The following NEGR1 variants were observed in gnomAD, a reference collection of about 807,000 sequenced individuals.
NEGR1 encodes the protein IgLON family member 4.
In NEGR1, 10 loss-of-function variants were observed where a neutral mutation model predicts 40.9. That is an observed-to-expected ratio of 0.24 (90% CI 0.15 to 0.42). The LOEUF (loss-of-function observed/expected upper bound fraction) is 0.42, where lower values mean the gene tolerates loss of function less well. NEGR1 is among the 10% of genes least tolerant of loss of function. The probability of loss-of-function intolerance (pLI) is 1.00; values close to 1 mark genes in which losing one functional copy is unlikely to be tolerated. For synonymous variants in NEGR1, 185 were observed against 166.8 expected (o/e 1.11, Z -0.84); for missense variants, 352 against 438.9 (o/e 0.80, Z 1.77).
intron 6 of NEGR1, among the ~76,000 whole-genome samples, chr1:71,550,939 A>G (rs1277883685): frequency 6.6e-6 from 1 of 151,636 alleles, no homozygotes; most frequent in Non-Finnish European, 1.5e-5. Context: ...TCTCTTAAGA[A>G]TAACTTAGAA....
chr1:71,464,489 C>T (rs536522369), intron 6 of NEGR1, among the ~76,000 whole-genome samples: 7 of 152,012 alleles, frequency 4.6e-5, no homozygotes, highest in East Asian at 1.9e-4. Context: ...ACATGAATAC[C>T]GTTCCATTTT....
At chr1:71,419,594 G>T (rs906717625) in intron 6 of NEGR1, among the ~76,000 whole-genome samples, 4 of 151,990 alleles carry the variant, frequency 2.6e-5, no homozygotes, top group Non-Finnish European at 4.4e-5. Flanking sequence ...ATTACCCACT[G>T]TTTTACACTA....
intron 4 of NEGR1, among the ~76,000 whole-genome samples, chr1:71,697,440 T>A (rs1653514423): frequency 2.0e-5 from 3 of 151,808 alleles, no homozygotes; most frequent in African/African-American, 7.2e-5. Context: ...TGAGGAAAAG[T>A]GTGTAACATA....
Position 72,013,970 on chromosome 1 carries a change from A to T in NEGR1, c.177-78659T>A, listed in dbSNP as rs1825656. On this transcript the variant is annotated intron_variant, in intron 1 of 6. Transcript: ENST00000357731. The stretch of plus-strand genomic sequence containing the variant: ...GAGATGCTCTGTGAAAAATAAAAAA[A>T]AAAAAAAAAAAAAAAAAAGGAGGTT... Among the ~76,000 whole-genome samples the T allele has an allele frequency of 3.3e-3, 308 of 93,796 alleles. 4 individuals are homozygous for T. Among genetic ancestry groups the T allele is most frequent in the East Asian group, 0.021 (32 of 1,560 alleles). The allele number at this position is 93,796 out of a possible 152,430, so 61.5% of individuals were successfully genotyped here.
chr1:71,988,923 T>TAAAAAAAAAAAAAA (rs10604833), intron 1 of NEGR1, among the ~76,000 whole-genome samples: 6 of 82,234 alleles, frequency 7.3e-5, no homozygotes, highest in African/African-American at 3.4e-4. Flanking sequence ...TATTGGATGT[T>TAAAAAAAAAAAAAA]AAAAAAAAAA....
chr1:71,537,705 A>AT (rs1170397773), intron 6 of NEGR1, among the ~76,000 whole-genome samples: 1 of 151,754 alleles, frequency 6.6e-6, no homozygotes, highest in Non-Finnish European at 1.5e-5. Context: ...TTAAATAAGC[A>AT]TCATGAACTT....
chr1:71,592,869 G>A lies in NEGR1; in HGVS notation c.888C>T (p.Thr296=), dbSNP rs1413368. 1,563,993 of 1,613,468 alleles carry A rather than the reference G, an allele frequency of 0.97. 762,690 individuals carry two copies. The highest frequency in any genetic ancestry group is 1 in the Non-Finnish European group (1,177,655 of 1,179,580). The change falls in exon 6 of 7, where the codon ACC becomes ACT. Residue 296 remains threonine, a synonymous_variant. Coordinates refer to ENST00000357731, the MANE Select transcript of NEGR1 (RefSeq NM_173808.3). The part of the protein sequence containing the change: ...NVTQEHFGNY[T]CVAANKLGTT... ...TGCCTAGCTTGTTGGCAGCCACACA[G>A]GTATAATTGCCGAAGTGCTCCTGTG...
At chr1:72,281,064 C>A (rs1013568798) in intron 1 of NEGR1, among the ~76,000 whole-genome samples, 1 of 152,204 alleles carries the variant, frequency 6.6e-6, no homozygotes, top group African/African-American at 2.4e-5. Flanking sequence ...GACTCCCACT[C>A]TGCAGTGTTG....
intron 6 of NEGR1, among the ~76,000 whole-genome samples, chr1:71,472,161 G>C (rs1646786902): frequency 6.6e-6 from 1 of 152,078 alleles, no homozygotes; most frequent in African/African-American, 2.4e-5. Flanking sequence ...TTTACTTTAA[G>C]ATCTATCATT....
In NEGR1 at chr1:71,625,285, T is replaced by TAC. The variant is rs1345534722; in HGVS notation, c.668-14141_668-14140dup. Among the ~76,000 whole-genome samples the TAC allele has an allele frequency of 8.6e-5, 13 of 151,500 alleles. No individual in the cohort carries two copies. In the East Asian group the frequency reaches 2.2e-3, roughly 25 times the overall value. On this transcript the variant is annotated intron_variant, in intron 4 of 6. Transcript: ENST00000357731. The stretch of plus-strand genomic sequence containing the variant: ...ATATTTTTCTTTATACTTACATGAA[T>TAC]ACACACAGACACACACACACACACA...
intron 4 of NEGR1, among the ~76,000 whole-genome samples, chr1:71,626,833 GA>G (rs1650799959): frequency 6.6e-6 from 1 of 151,928 alleles, no homozygotes; most frequent in African/African-American, 2.4e-5. Flanking sequence ...AAAAGTGGGT[GA>G]AGGATATGAA....
chr1:72,046,137 A>C (rs1047886049), intron 1 of NEGR1, among the ~76,000 whole-genome samples: 3 of 151,746 alleles, frequency 2.0e-5, no homozygotes, highest in African/African-American at 7.2e-5. Context: ...TTCAACCTCA[A>C]AGTTCATTTG....
chr1:71,943,026 A>G (rs1386053049), intron 1 of NEGR1, among the ~76,000 whole-genome samples: 1 of 131,346 alleles, frequency 7.6e-6, no homozygotes, highest in Non-Finnish European at 1.7e-5. Context: ...GTGTATATAT[A>G]TACACACATA....
chr1:71,987,111 C>A (rs756913399), intron 1 of NEGR1, among the ~76,000 whole-genome samples: 1 of 152,136 alleles, frequency 6.6e-6, no homozygotes, highest in South Asian at 2.1e-4. Context: ...TTAGGAAGTA[C>A]CTAACCCGTC....
At chr1:71,925,636 A>T (rs138206532) in intron 2 of NEGR1, among the ~76,000 whole-genome samples, 3 of 152,310 alleles carry the variant, frequency 2.0e-5, no homozygotes, top group Non-Finnish European at 2.9e-5. Flanking sequence ...CATAATGGTT[A>T]CAAGGAGTAT....
At chr1:72,115,466 C>T (rs948122873) in intron 1 of NEGR1, among the ~76,000 whole-genome samples, 69 of 151,674 alleles carry the variant, frequency 4.5e-4, no homozygotes, top group African/African-American at 1.6e-3. Context: ...AGCAATGGGG[C>T]TCTGTAATCT....
chr1:71,543,365 C>A (rs1232573115), intron 6 of NEGR1, among the ~76,000 whole-genome samples: 3 of 151,606 alleles, frequency 2.0e-5, no homozygotes. Context: ...AGTTCTATTA[C>A]GAAGTGCCAA....
intron 2 of NEGR1, among the ~76,000 whole-genome samples, chr1:71,792,379 A>T (rs138012956): frequency 6.6e-6 from 1 of 152,276 alleles, no homozygotes; most frequent in African/African-American, 2.4e-5. Context: ...GTTAGTATAA[A>T]TAGATGGAAA....
chr1:72,060,207 T>C (rs977246281), intron 1 of NEGR1, among the ~76,000 whole-genome samples: 43 of 151,682 alleles, frequency 2.8e-4, no homozygotes, highest in African/African-American at 9.9e-4. Context: ...GAACCTATCT[T>C]GATTTTTTTC....
Sources: gnomAD v4.1 joint callset for allele counts (sites outside exome capture counted in the v4.1 genomes callset) on GRCh38, gnomAD v4.1.1 for gene constraint, MANE v1.5 for transcripts, NCBI Gene and HGNC (gene_info 2026-07-23, HGNC 2026-07-21) for gene names.